The following SEPTIN4 variants were observed in gnomAD, a reference collection of about 807,000 sequenced individuals.
SEPTIN4 encodes septin 4.
In SEPTIN4, 52 loss-of-function variants were observed where a neutral mutation model predicts 107.1. The ratio of observed to expected loss-of-function variants is 0.49; its 90% CI spans 0.39 to 0.61. SEPTIN4 has a LOEUF of 0.61. SEPTIN4 is among the 20% of genes least tolerant of loss of function. SEPTIN4 has a pLI of 0.00. For synonymous variants in SEPTIN4, 417 were observed against 467.0 expected, an observed-to-expected ratio of 0.89 and a Z score of 1.38; for missense variants, 1,048 against 1,243.5, an observed-to-expected ratio of 0.84 and a Z score of 2.36.
chr17:58,522,298 T>G (rs1236746821), intron 7 of SEPTIN4, among the ~76,000 whole-genome samples, 197 bp from the exon 8 acceptor site: 5 of 152,084 alleles, frequency 3.3e-5, no homozygotes, highest in African/African-American at 1.2e-4. Context: ...AAAATTAGAC[T>G]GAGTACTCAG....
At chr17:58,527,450 C>T (rs740605) in intron 3 of SEPTIN4, 118,572 of 284,548 alleles carry the variant, frequency 0.42, 25,207 homozygotes, top group East Asian at 0.49. Context: ...GGGAAGTAGG[C>T]AGGGGAGAAG....
Position 58,521,497 on chromosome 17 carries a change from T to C in SEPTIN4, c.2571+48A>G. ...AATATAGAATTCTACTCCCTTTTTC[T>C]ACCCGGAAGAAATAAGATAGGAATG... On this transcript the variant is annotated intron_variant, in intron 10 of 13. Coordinates refer to ENST00000672673, the MANE Select transcript of SEPTIN4 (RefSeq NM_001368771.2). This position sits in a 1 kb window ranked among gnomAD's most constrained non-coding sequence, Gnocchi z 6.4. The C allele has an allele frequency of 6.2e-7, 1 of 1,601,630 alleles. No individual in the cohort carries two copies. Among genetic ancestry groups the C allele is most frequent in the East Asian group, 2.2e-5 (1 of 44,792 alleles).
In SEPTIN4 at chr17:58,538,354, A is replaced by G. The variant is rs1158725164; in HGVS notation, c.1614+2312T>C. Among the ~76,000 whole-genome samples the G allele has an allele frequency of 6.6e-6, 1 of 152,150 alleles. No homozygotes were observed. Among genetic ancestry groups the G allele is most frequent in the East Asian group, 1.9e-4 (1 of 5,186 alleles). On this transcript the variant is annotated intron_variant, in intron 3 of 13. Transcript: ENST00000672673. This position sits in a 1 kb window ranked among gnomAD's most constrained non-coding sequence, Gnocchi z 4.7. ...GATGGCCTCCTCTGATTCCTGGCCT[A>G]TTTTCCAGAGTTGGTTTCTTGCATA...
Position 58,522,013 on chromosome 17 carries a change from T to A in SEPTIN4, c.2305A>T (p.Asn769Tyr). The change falls in exon 8 of 14, where the codon AAC becomes TAC. Residue 769 changes from asparagine to tyrosine, a missense_variant. Coordinates refer to ENST00000672673, the MANE Select transcript of SEPTIN4 (RefSeq NM_001368771.2). ...SGLNRKNIQD[N>Y]RVHCCLYFIS... ...AAGTACAGGCAGCAGTGCACCCTGT[T>A]GTCTTGGATGTTCTTTCGGTTCAGG... 6.2e-7 allele frequency: 1 copy of A among 1,614,190 alleles called. No individual in the cohort carries two copies. The highest frequency in any genetic ancestry group is 8.5e-7 in the Non-Finnish European group (1 of 1,180,030).
chr17:58,527,695 G>T, intron 3 of SEPTIN4: 1 of 324,564 alleles, frequency 3.1e-6, no homozygotes, highest in Non-Finnish European at 4.4e-6. Flanking sequence ...CTGACTGTGG[G>T]TGGGAGGCAG....
rs771048958 is a variant in SEPTIN4 at position 58,542,920 on chromosome 17, G to A, written c.1267C>T (p.Pro423Ser). Residue 423 changes from proline to serine, a missense_variant, in exon 1 of 14, where the codon CCT becomes TCT. This residue lies in a region of SEPTIN4 where 787 missense variants were observed against 871.8 expected (regional missense o/e 0.90). Transcript: ENST00000672673. ...LPPRSLPRYG[P>S]DSSWWPLLNP... ...AGCAAGGGCCACCATGAGGAGTCAG[G>A]TCCGTACCTAGGTAAGGACCGAGGA... 5 of 1,614,106 alleles carry A rather than the reference G, an allele frequency of 3.1e-6. No homozygotes were observed. In the African/African-American group the frequency reaches 6.7e-5, roughly 22 times the overall value.
At position 58,542,979 on chromosome 17, in the gene SEPTIN4, T is replaced by C. The variant is rs754459703; in HGVS notation, c.1208A>G (p.His403Arg). 45 of 1,613,554 alleles carry C rather than the reference T, an allele frequency of 2.8e-5. No individual in the cohort carries two copies. The highest frequency in any genetic ancestry group is 6.6e-5 in the South Asian group (6 of 91,016). Residue 403 changes from histidine (H) to arginine (R), a missense_variant, in exon 1 of 14, where the codon CAT becomes CGT. Physicochemically the swap from His to Arg is conservative, Grantham distance 29 (BLOSUM62 0). Coordinates refer to ENST00000672673, the MANE Select transcript of SEPTIN4 (RefSeq NM_001368771.2). Reference protein sequence around the residue: ...YPELSQKPSIHAELELTPRPL... With the variant: ...YPELSQKPSIRAELELTPRPL... ...CCTAGGGGTCAGTTCCAGTTCTGCA[T>C]GGATGGAGGGCTTTTGCGAGAGTTC...
chr17:58,535,204 G>A (rs2144228044), intron 3 of SEPTIN4, among the ~76,000 whole-genome samples: 1 of 152,350 alleles, frequency 6.6e-6, no homozygotes, highest in Middle Eastern at 3.4e-3. Flanking sequence ...GCTGCCATGT[G>A]TCCCATGATC....
rs1194072752 is a variant in SEPTIN4 at position 58,526,944 on chromosome 17, CCAT to C, written c.1646_1648del (p.Asp549del). The stretch of plus-strand genomic sequence containing the variant: ...ATCCTTCACGAACTTGCTCAGTTCT[CCAT>C]CATCCGTGGTGTCCTCCAGGAAACG... On this transcript the variant is annotated inframe_deletion, in exon 4 of 14. Coordinates refer to ENST00000672673, the MANE Select transcript of SEPTIN4 (RefSeq NM_001368771.2). 1.2e-6 allele frequency: 2 copies of C among 1,614,086 alleles called. No homozygotes were observed. The highest frequency in any genetic ancestry group is 1.7e-6 in the Non-Finnish European group (2 of 1,180,024).
At chr17:58,532,118 G>T in intron 3 of SEPTIN4, 1 of 1,051,436 alleles carries the variant, frequency 9.5e-7, no homozygotes, top group Non-Finnish European at 1.1e-6. Context: ...GGAGCGAGTC[G>T]GCCCCGGGGC....
chr17:58,521,410 G>A lies in SEPTIN4; in HGVS notation c.2572-60C>T. On this transcript the variant is annotated intron_variant, in intron 10 of 13. Coordinates refer to ENST00000672673, the MANE Select transcript of SEPTIN4 (RefSeq NM_001368771.2). The surrounding 1 kb of genome is among the most constrained non-coding windows in gnomAD (Gnocchi z 6.4). ...TGTTCTCACCTCTTTCTTTCCACCT[G>A]TATCGTCATCTTCTCTGCTTCATTC... is the stretch of plus-strand genomic sequence containing the variant. The A allele has an allele frequency of 1.9e-6, 3 of 1,579,436 alleles. No individual in the cohort carries two copies.
chr17:58,537,699 G>A (rs145452949), intron 3 of SEPTIN4, among the ~76,000 whole-genome samples: 7,371 of 151,816 alleles, frequency 0.049, 377 homozygotes, highest in African/African-American at 0.13. Context: ...GCGTGGTGGC[G>A]GGTGCCTGTA....
Position 58,525,798 on chromosome 17 carries a change from C to G in SEPTIN4, c.2006-17G>C, listed in dbSNP as rs1483400659. 1 of 1,601,638 alleles carries G rather than the reference C, an allele frequency of 6.2e-7. No individual in the cohort carries two copies. Among genetic ancestry groups the G allele is most frequent in the East Asian group, 2.2e-5 (1 of 44,814 alleles). ...CAGACTCTCCTGAGAGGAGAGAGGA[C>G]AGAGGCACCAAATCAGAAGGTAAGA... On this transcript the variant is annotated splice_polypyrimidine_tract_variant and intron_variant, in intron 5 of 13. Transcript: ENST00000672673.
chr17:58,532,134 C>CT (rs1373373601), intron 3 of SEPTIN4: 10 of 1,042,214 alleles, frequency 9.6e-6, no homozygotes, highest in Non-Finnish European at 1.2e-5. Flanking sequence ...GGGGCGGGGC[C>CT]TGTACCTCAG....
At position 58,542,997 on chromosome 17, in the gene SEPTIN4, G is replaced by A. The variant is rs145296956; in HGVS notation, c.1190C>T (p.Ser397Leu). ...TTCTGCATGGATGGAGGGCTTTTGC[G>A]AGAGTTCTGGATACCTGGGTGTAGG... is the stretch of plus-strand genomic sequence containing the variant. ...QGPTPRYPEL[S>L]QKPSIHAELE... The change falls in exon 1 of 14, where the codon TCG (serine) becomes TTG (leucine). Residue 397 changes from serine to leucine, a missense_variant. This residue lies in a region of SEPTIN4 where 787 missense variants were observed against 871.8 expected (regional missense o/e 0.90). Coordinates refer to ENST00000672673, the MANE Select transcript of SEPTIN4 (RefSeq NM_001368771.2). The A allele has an allele frequency of 7.5e-4, 1,217 of 1,612,470 alleles. 14 individuals are homozygous for A. The African/African-American group carries it at 0.013, about 18-fold the overall frequency.
intron 3 of SEPTIN4, chr17:58,532,084 CG>C (rs2043523953): frequency 5.5e-6 from 6 of 1,086,180 alleles, no homozygotes; most frequent in Non-Finnish European, 5.6e-6. Flanking sequence ...CGGACCGCTG[CG>C]GGAGGGGCCC....
chr17:58,522,795 C>T (rs866023472), intron 7 of SEPTIN4, among the ~76,000 whole-genome samples: 5 of 152,120 alleles, frequency 3.3e-5, no homozygotes, highest in Admixed American at 6.5e-5. Flanking sequence ...TGTTTCTACC[C>T]TTTCCTCTAC....
intron 7 of SEPTIN4, among the ~76,000 whole-genome samples, chr17:58,523,524 A>G (rs1364573991): frequency 3.3e-5 from 5 of 152,198 alleles, no homozygotes; most frequent in African/African-American, 4.8e-5. Flanking sequence ...TTAAGTTGCT[A>G]TCTGATTGAA....
intron 3 of SEPTIN4, chr17:58,530,842 G>C (rs1429355677): frequency 6.6e-6 from 1 of 152,386 alleles, no homozygotes; most frequent in African/African-American, 2.4e-5. Context: ...CCTGGCCAAG[G>C]CTTGGGCCTC....
Sources: gnomAD v4.1 joint callset for allele counts (sites outside exome capture counted in the v4.1 genomes callset) on GRCh38, gnomAD v4.1.1 for gene constraint, gnomAD v4.1.1 regional missense constraint, Gnocchi (gnomAD v3.1) non-coding constraint, MANE v1.5 for transcripts, NCBI Gene and HGNC (gene_info 2026-07-23, HGNC 2026-07-21) for gene names.